Variants in TULP4 observed in about 807,000 individuals in gnomAD.
TULP4 encodes the protein TUB like protein 4, also known as tubby-related protein 4.
TULP4 carries 16 observed loss-of-function variants against 129.0 expected under a neutral mutation model. The ratio of observed to expected loss-of-function variants is 0.12; its 90% CI spans 0.08 to 0.19. The LOEUF is 0.19. Among genes scored for constraint, TULP4 ranks in the 10% least tolerant of loss-of-function variants. The pLI is 1.00. For synonymous variants in TULP4, 998 were observed against 854.0 expected (o/e 1.17, Z -2.94); for missense variants, 1,842 against 2,059.1 (o/e 0.89, Z 2.04).
intron 1 of TULP4, among the ~76,000 whole-genome samples, chr6:158,328,401 C>G (rs1183956895): frequency 9.2e-5 from 14 of 151,950 alleles, no homozygotes; most frequent in Admixed American, 5.9e-4. Flanking sequence ...AACTCAGGAA[C>G]CTTCTAGATT....
rs372896119 is a variant in TULP4 at position 158,320,846 on chromosome 6, G to C, written c.252+6578G>C. On this transcript the variant is annotated intron_variant, in intron 1 of 13. Coordinates refer to ENST00000367097, the MANE Select transcript of TULP4 (RefSeq NM_020245.5). ...TGGTCTCACCTGATTTCTTGGATTGGGTACATCTTCTCCGATATGCTTTCT... is the reference window on the plus strand; with the variant it reads ...TGGTCTCACCTGATTTCTTGGATTGCGTACATCTTCTCCGATATGCTTTCT... Among the ~76,000 whole-genome samples, 10 of 152,162 alleles carry C rather than the reference G, an allele frequency of 6.6e-5. No individual in the cohort carries two copies. The East Asian group carries it at 1.5e-3, about 23-fold the overall frequency.
chr6:158,376,455 G>T (rs1195825945), intron 1 of TULP4, among the ~76,000 whole-genome samples: 1 of 152,202 alleles, frequency 6.6e-6, no homozygotes, highest in Non-Finnish European at 1.5e-5. Context: ...ATGTCCGGGG[G>T]GAGAGAAATA....
chr6:158,504,781 C>A (rs118032058), intron 13 of TULP4, among the ~76,000 whole-genome samples: 2 of 152,100 alleles, frequency 1.3e-5, no homozygotes, highest in African/African-American at 2.4e-5. Flanking sequence ...CGTGAGCCAA[C>A]GCACCTGGCC....
At chr6:158,462,717 T>C (rs1239854274) in intron 6 of TULP4, among the ~76,000 whole-genome samples, 1 of 150,752 alleles carries the variant, frequency 6.6e-6, no homozygotes, top group Non-Finnish European at 1.5e-5. Flanking sequence ...AGGGTAACTC[T>C]TCAGAGTTTA....
At position 158,462,437 on chromosome 6, in the gene TULP4, A is replaced by T. The variant is rs1231488328; in HGVS notation, c.1026+708A>T. On this transcript the variant is annotated intron_variant, in intron 6 of 13. Transcript: ENST00000367097. ...CACCCAGGCTGGAGTGCCGTAGCGC[A>T]TTCTTGGCTCACTGCAAGCTCTGCC... Among the ~76,000 whole-genome samples the T allele has an allele frequency of 2.8e-5, 4 of 144,202 alleles. No individual in the cohort carries two copies. In the Admixed American group the frequency reaches 2.8e-4, roughly 10 times the overall value. The allele number at this position is 144,202 out of a possible 152,430, so 94.6% of individuals were successfully genotyped here. A position where few individuals can be genotyped will look rare whatever the true frequency, so the allele number is the denominator to read the frequency against.
intron 4 of TULP4, among the ~76,000 whole-genome samples, chr6:158,449,938 G>A (rs900071500): frequency 9.9e-5 from 15 of 152,040 alleles, no homozygotes; most frequent in African/African-American, 2.9e-4. Flanking sequence ...GTGATATTTC[G>A]ATACACATAA....
intron 1 of TULP4, among the ~76,000 whole-genome samples, chr6:158,255,145 C>T (rs193118863): frequency 2.7e-4 from 41 of 152,266 alleles, no homozygotes. Context: ...CACCCTGTGG[C>T]CTCCCTCTGC....
At chr6:158,495,060 T>A (rs1051983394) in intron 11 of TULP4, among the ~76,000 whole-genome samples, 26 of 152,042 alleles carry the variant, frequency 1.7e-4, no homozygotes, top group Non-Finnish European at 2.6e-4. Context: ...TTTTTTTTTT[T>A]AAATCTTTTA....
intron 1 of TULP4, among the ~76,000 whole-genome samples, chr6:158,301,587 T>A (rs1290909996): frequency 1.3e-5 from 2 of 152,136 alleles, no homozygotes; most frequent in Non-Finnish European, 2.9e-5. Flanking sequence ...GGCCATTTGG[T>A]CCAGATAAAC....
intron 1 of TULP4, among the ~76,000 whole-genome samples, chr6:158,347,591 G>A (rs770955855): frequency 2.0e-5 from 3 of 152,244 alleles, no homozygotes; most frequent in South Asian, 2.1e-4. Flanking sequence ...CCTCTTCATC[G>A]CTTGTGCCTC....
At chr6:158,236,790 CTTTTCTTTTTTTTTTTTTTTT>C (rs1777711744) in intron 1 of TULP4, among the ~76,000 whole-genome samples, 1 of 33,116 alleles carries the variant, frequency 3.0e-5, no homozygotes, top group African/African-American at 9.9e-5. Context: ...ATGCCCAATT[CTTTTCTTTTTTTTTTTTTTTT>C]TTTTTTTTTT....
intron 1 of TULP4, among the ~76,000 whole-genome samples, chr6:158,392,919 GC>G (rs1355245400): frequency 7.2e-6 from 1 of 138,382 alleles, no homozygotes; most frequent in Non-Finnish European, 1.5e-5. Flanking sequence ...TCCTGCCTCA[GC>G]CTCCTGAATA....
At chr6:158,366,380 G>A (rs192247884) in intron 1 of TULP4, among the ~76,000 whole-genome samples, 1 of 152,192 alleles carries the variant, frequency 6.6e-6, no homozygotes, top group African/African-American at 2.4e-5. Flanking sequence ...TCAGGCTCCT[G>A]CCCTTCTCAG....
At chr6:158,479,654 G>A in intron 6 of TULP4, 97 bp from the exon 7 acceptor site, 1 of 1,133,880 alleles carries the variant, frequency 8.8e-7, no homozygotes. Context: ...TCTCAAAACA[G>A]CTTATTTTAT....
At chr6:158,384,613 T>A (rs1777399721) in intron 1 of TULP4, among the ~76,000 whole-genome samples, 1 of 152,136 alleles carries the variant, frequency 6.6e-6, no homozygotes, top group African/African-American at 2.4e-5. Context: ...ATCTTTTTAT[T>A]AGTTGGCAGT....
intron 1 of TULP4, among the ~76,000 whole-genome samples, chr6:158,285,789 T>G (rs570396303): frequency 6.6e-4 from 100 of 152,204 alleles, no homozygotes; most frequent in Non-Finnish European, 1.3e-3. Flanking sequence ...GTCTTCCCTG[T>G]CCATCTGTTG....
At chr6:158,386,966 C>T (rs559451536) in intron 1 of TULP4, among the ~76,000 whole-genome samples, 1 of 151,648 alleles carries the variant, frequency 6.6e-6, no homozygotes, top group South Asian at 2.1e-4. Flanking sequence ...AAGCGATTGA[C>T]AGAAATGAAC....
rs201169090 is a variant in TULP4 at position 158,479,952 on chromosome 6, A to G, written c.1228A>G (p.Thr410Ala). The G allele has an allele frequency of 1.2e-4, 187 of 1,608,124 alleles. 1 individual carries two copies. In the South Asian group the frequency reaches 2.0e-3, roughly 17 times the overall value. Residue 410 changes from threonine to alanine, a missense_variant, in exon 7 of 14, where the codon ACT becomes GCT. Transcript: ENST00000367097. The stretch of plus-strand genomic sequence containing the variant: ...CCCCCGCCTCTGCTCCTACCTCTCC[A>G]CTGCCTTCATCCCCACCATCAAGGT... Reference protein sequence around the residue: ...LPPRLCSYLSTAFIPTIKPPI... With the variant: ...LPPRLCSYLSAAFIPTIKPPI...
chr6:158,311,958 C>A, upstream of TULP4: 1 of 394,192 alleles, frequency 2.5e-6, no homozygotes, highest in South Asian at 1.4e-4. Context: ...AAAGATGGGT[C>A]TCTCATTTCA....
Sources: allele counts gnomAD v4.1 joint callset (sites outside exome capture counted in the v4.1 genomes callset), GRCh38; gene constraint gnomAD v4.1.1; transcripts MANE v1.5; gene names NCBI Gene and HGNC (gene_info 2026-07-23, HGNC 2026-07-21).